DSE: variants seen among roughly 807,000 people sequenced by gnomAD.
The protein encoded by DSE is dermatan sulfate epimerase.
Under a neutral mutation model 84.4 loss-of-function variants are expected in DSE, and 36 were observed. The ratio of observed to expected loss-of-function variants is 0.43; its 90% CI spans 0.33 to 0.56. The LOEUF is 0.56. Among genes scored for constraint, DSE ranks in the 20% least tolerant of loss-of-function variants. The pLI is 0.06. For missense variants in DSE, 862 were observed against 1,169.6 expected, an observed-to-expected ratio of 0.74 and a Z score of 3.84; for synonymous variants, 410 against 430.1, an observed-to-expected ratio of 0.95 and a Z score of 0.58.
intron 2 of DSE, among the ~76,000 whole-genome samples, chr6:116,291,952 G>A (rs879321662): frequency 2.6e-5 from 4 of 152,150 alleles, no homozygotes; most frequent in Non-Finnish European, 5.9e-5. Flanking sequence ...GAAGAAGATC[G>A]GGTTGTAGTG....
At chr6:116,377,331 C>A (rs890267419) in intron 1 of DSE, among the ~76,000 whole-genome samples, 3 of 152,160 alleles carry the variant, frequency 2.0e-5, no homozygotes, top group Non-Finnish European at 4.4e-5. Flanking sequence ...GCTCACCAAG[C>A]TTGTGGGTCT....
chr6:116,345,659 G>C (rs948424620), intron 2 of DSE, among the ~76,000 whole-genome samples: 10 of 152,028 alleles, frequency 6.6e-5, no homozygotes, highest in Admixed American at 1.3e-4. Flanking sequence ...GCCCACAAGA[G>C]AAAGCAGGAA....
intron 3 of DSE, among the ~76,000 whole-genome samples, chr6:116,429,367 G>A (rs1358949348): frequency 6.6e-6 from 1 of 152,186 alleles, no homozygotes; most frequent in African/African-American, 2.4e-5. Context: ...CTGCCACATA[G>A]TAGGCCATGG....
rs1027067629 is a variant in DSE at position 116,440,178 on chromosome 6, G to A, written c.*2833G>A. On this transcript the variant is annotated 3_prime_UTR_variant, in exon 6 of 6. Transcript: ENST00000644252. ...TTCTTCCACAAATATTTTAGTCATA[G>A]TTTTTAAGTACCACGTATTCTAAGG... 1.3e-5 allele frequency: 2 copies of A among 152,078 alleles called. No individual in the cohort carries two copies. The highest frequency in any genetic ancestry group is 4.8e-5 in the African/African-American group (2 of 41,408). The allele number at this position is 152,078 out of a possible 1,614,324, so 9.4% of individuals were successfully genotyped here.
intron 2 of DSE, among the ~76,000 whole-genome samples, chr6:116,316,753 A>T (rs1775999964): frequency 6.6e-6 from 1 of 151,920 alleles, no homozygotes; most frequent in Admixed American, 6.6e-5. Flanking sequence ...GAAGATATTT[A>T]ACAAATGCCT....
chr6:116,272,865 T>C (rs1772943157), intron 2 of DSE, among the ~76,000 whole-genome samples: 1 of 152,252 alleles, frequency 6.6e-6, no homozygotes, highest in African/African-American at 2.4e-5. Flanking sequence ...TTTTAATTGA[T>C]TGCATATTAT....
chr6:116,416,072 A>G (rs190110193), intron 2 of DSE, among the ~76,000 whole-genome samples: 117 of 152,238 alleles, frequency 7.7e-4, no homozygotes, highest in African/African-American at 2.7e-3. Context: ...CTTTGCTTGT[A>G]GCTCCCTGCC....
In DSE at chr6:116,441,230, CTA is replaced by C. The variant is rs1435978664; in HGVS notation, c.*3887_*3888del. The C allele has an allele frequency of 3.3e-4, 50 of 152,238 alleles. 1 individual carries two copies. Among genetic ancestry groups the C allele is most frequent in the African/African-American group, 1.2e-3 (50 of 41,542 alleles). 9.4% of individuals were successfully genotyped at this position (152,238 alleles called of 1,614,324 possible). On this transcript the variant is annotated 3_prime_UTR_variant, in exon 6 of 6. Coordinates refer to ENST00000644252, the MANE Select transcript of DSE (RefSeq NM_013352.4). ...AATTCTGTTAAACAAGACATAGTCA[CTA>C]TGTGAAGAATAAAAATAGACAAAGT...
chr6:116,435,545 C>T (rs753772669), intron 5 of DSE, 42 bp from the exon 6 acceptor site: 1 of 1,527,156 alleles, frequency 6.5e-7, no homozygotes, highest in African/African-American at 1.4e-5. Flanking sequence ...GTTATTTTCA[C>T]TGCCATCAGA....
At chr6:116,337,075 T>C (rs1378406611) in intron 2 of DSE, among the ~76,000 whole-genome samples, 1 of 152,136 alleles carries the variant, frequency 6.6e-6, no homozygotes, top group Non-Finnish European at 1.5e-5. Context: ...GTAAGTACAT[T>C]TTACTATCAT....
At position 116,435,905 on chromosome 6, in the gene DSE, C is replaced by G. The variant is rs757356537; in HGVS notation, c.1437C>G (p.Phe479Leu). 1 of 1,614,168 alleles carries G rather than the reference C, an allele frequency of 6.2e-7. No individual in the cohort carries two copies. The highest frequency in any genetic ancestry group is 8.5e-7 in the Non-Finnish European group (1 of 1,180,026). ...CTCTGTACGGGCCAAAGTACACCTTCTTCAACAATGTTTTGATGTTTTCCC... is the reference window on the plus strand; with the variant it reads ...CTCTGTACGGGCCAAAGTACACCTTGTTCAACAATGTTTTGATGTTTTCCC... ...TEALYGPKYT[F>L]FNNVLMFSPA... Residue 479 changes from phenylalanine (F) to leucine (L), a missense_variant, in exon 6 of 6, where the codon TTC becomes TTG. Physicochemically the swap from Phe to Leu is conservative, Grantham distance 22. This residue lies in a region of DSE where 186 missense variants were observed against 255.1 expected (regional missense o/e 0.73). Coordinates refer to ENST00000644252, the MANE Select transcript of DSE (RefSeq NM_013352.4).
chr6:116,356,241 A>G (rs1435839237), intron 2 of DSE, among the ~76,000 whole-genome samples: 3 of 152,234 alleles, frequency 2.0e-5, no homozygotes, highest in Admixed American at 6.5e-5. Context: ...TTTTGGAACT[A>G]TGGCTCAGAG....
At position 116,351,522 on chromosome 6, in the gene DSE, A is replaced by G. The variant is rs185628604; in HGVS notation, c.-53-47676A>G. ...ATTTTTATTGGCTGAATATATCACAACTACATTCTATTCCACTCTATTATA... is the reference window on the plus strand; with the variant it reads ...ATTTTTATTGGCTGAATATATCACAGCTACATTCTATTCCACTCTATTATA... On this transcript the variant is annotated intron_variant, in intron 2 of 3. Transcript: ENST00000430252. Among the ~76,000 whole-genome samples, 305 of 152,300 alleles carry G rather than the reference A, an allele frequency of 2.0e-3. 4 individuals are homozygous for G. Among genetic ancestry groups the G allele is most frequent in the African/African-American group, 6.6e-3 (273 of 41,562 alleles).
intron 2 of DSE, among the ~76,000 whole-genome samples, chr6:116,300,480 G>A (rs1774969041): frequency 6.6e-6 from 1 of 152,082 alleles, no homozygotes; most frequent in South Asian, 2.1e-4. Flanking sequence ...TGAAGAGCTG[G>A]GAATTTTTAG....
chr6:116,323,276 C>A (rs1776434014), intron 2 of DSE, among the ~76,000 whole-genome samples: 1 of 152,144 alleles, frequency 6.6e-6, no homozygotes, highest in Non-Finnish European at 1.5e-5. Flanking sequence ...TGTAAGAAAT[C>A]CTATACTGAG....
At chr6:116,263,798 G>T (rs1179648461) in intron 2 of DSE, among the ~76,000 whole-genome samples, 1 of 152,174 alleles carries the variant, frequency 6.6e-6, no homozygotes, top group African/African-American at 2.4e-5. Context: ...AGCAGATCAG[G>T]TGGTAACAAA....
Position 116,440,456 on chromosome 6 carries a change from C to G in DSE, c.*3111C>G, listed in dbSNP as rs1181735413. 6.6e-6 allele frequency: 1 copy of G among 152,056 alleles called. No individual in the cohort carries two copies. The highest frequency in any genetic ancestry group is 2.4e-5 in the African/African-American group (1 of 41,384). 9.4% of individuals were successfully genotyped at this position (152,056 alleles called of 1,614,324 possible). A position where few individuals can be genotyped will look rare whatever the true frequency, so the allele number is the denominator to read the frequency against. On this transcript the variant is annotated 3_prime_UTR_variant, in exon 6 of 6. Transcript: ENST00000644252. ...GGGATTAGAGGCATAGGTCATCATG[C>G]CCGGCCAAGTTAAAAAAATTTTTGA...
intron 2 of DSE, among the ~76,000 whole-genome samples, chr6:116,324,611 T>C (rs1273451780): frequency 6.6e-6 from 1 of 152,208 alleles, no homozygotes; most frequent in African/African-American, 2.4e-5. Flanking sequence ...TGCAGGGGTA[T>C]ATGTAAAATA....
intron 2 of DSE, chr6:116,279,575 C>A: frequency 6.2e-7 from 1 of 1,602,606 alleles, no homozygotes; most frequent in Non-Finnish European, 8.5e-7. Context: ...CGACCCCCAA[C>A]AACTCGGATC....
Sources: allele counts gnomAD v4.1 joint callset (sites outside exome capture counted in the v4.1 genomes callset), GRCh38; gene constraint gnomAD v4.1.1; regional missense constraint gnomAD v4.1.1; transcripts MANE v1.5; gene names NCBI Gene and HGNC (gene_info 2026-07-23, HGNC 2026-07-21).